Variants in CCDC3 observed in about 807,000 individuals in gnomAD.
CCDC3 encodes coiled-coil domain containing 3, also known as coiled-coil domain-containing protein 3.
In CCDC3, 24 loss-of-function variants were observed where a neutral mutation model predicts 21.4. The ratio of observed to expected loss-of-function variants is 1.12; its 90% CI spans 0.81 to 1.58. The LOEUF (loss-of-function observed/expected upper bound fraction) is 1.58, where lower values mean the gene tolerates loss of function less well. CCDC3 is among the 40% of genes most tolerant of loss of function. CCDC3 has a pLI of 0.00. For missense variants in CCDC3, 425 were observed against 360.9 expected (o/e 1.18, Z -1.44); for synonymous variants, 186 against 166.0 (o/e 1.12, Z -0.93).
upstream of CCDC3, among the ~76,000 whole-genome samples, chr10:13,005,310 G>A (rs2131290916): frequency 6.6e-6 from 1 of 152,306 alleles, no homozygotes; most frequent in African/African-American, 2.4e-5. Context: ...ATGAGTGGAA[G>A]AGGCAACGTA....
intron 5 of CCDC3, among the ~76,000 whole-genome samples, chr10:13,024,777 C>A (rs1322733520): frequency 6.6e-6 from 1 of 152,176 alleles, no homozygotes; most frequent in East Asian, 1.9e-4. Flanking sequence ...TTAGCCAGGT[C>A]CACAAGTTTA....
At chr10:13,036,548 G>A (rs1018921699) in intron 5 of CCDC3, among the ~76,000 whole-genome samples, 3 of 152,100 alleles carry the variant, frequency 2.0e-5, no homozygotes, top group Non-Finnish European at 4.4e-5. Flanking sequence ...GCAGTGGCAC[G>A]ATCTCCACTC....
chr10:12,999,951 TAATC>T (rs1835821157), intron 1 of CCDC3, among the ~76,000 whole-genome samples: 1 of 152,220 alleles, frequency 6.6e-6, no homozygotes, highest in African/African-American at 2.4e-5. Context: ...TATAAAAACT[TAATC>T]TAGCTGAACC....
intron 1 of CCDC3, among the ~76,000 whole-genome samples, chr10:12,998,828 GA>G (rs940700607): frequency 3.9e-4 from 59 of 152,084 alleles, no homozygotes; most frequent in Non-Finnish European, 7.8e-4. Flanking sequence ...ATTTCCTGGT[GA>G]AAAAAAGGCC....
chr10:13,029,794 AAG>A (rs1271842708), intron 5 of CCDC3, among the ~76,000 whole-genome samples: 1 of 152,218 alleles, frequency 6.6e-6, no homozygotes, highest in African/African-American at 2.4e-5. Context: ...TTAGAGAAAA[AAG>A]AGTAAAAAGA....
chr10:13,023,586 G>A (rs995676393), intron 5 of CCDC3, among the ~76,000 whole-genome samples: 5 of 152,150 alleles, frequency 3.3e-5, no homozygotes, highest in African/African-American at 9.7e-5. Flanking sequence ...AGCTAGTCAC[G>A]TGGCCAAGCT....
chr10:13,097,736 A>T (rs971459320), intron 3 of CCDC3, among the ~76,000 whole-genome samples: 1 of 152,180 alleles, frequency 6.6e-6, no homozygotes, highest in East Asian at 1.9e-4. Flanking sequence ...AAAATAAAAT[A>T]AAACCTTTGG....
chr10:13,079,659 C>G (rs1837009862), intron 3 of CCDC3, among the ~76,000 whole-genome samples: 2 of 152,146 alleles, frequency 1.3e-5, no homozygotes, highest in African/African-American at 4.8e-5. Context: ...GGTGAAAAAT[C>G]CCCATTAGGG....
At chr10:12,987,297 G>A (rs2131277052) in intron 2 of CCDC3, among the ~76,000 whole-genome samples, 1 of 152,266 alleles carries the variant, frequency 6.6e-6, no homozygotes, top group Middle Eastern at 3.4e-3. Context: ...CATAACCCAT[G>A]ACACAGTGCT....
At chr10:13,004,023 A>G (rs558692277), upstream of CCDC3, among the ~76,000 whole-genome samples, 6 of 152,270 alleles carry the variant, frequency 3.9e-5, no homozygotes, top group East Asian at 1.2e-3. Flanking sequence ...CTCTTTGGGG[A>G]CTAAGACTTC....
chr10:13,072,200 G>A (rs2131440462), intron 4 of CCDC3, among the ~76,000 whole-genome samples: 1 of 152,078 alleles, frequency 6.6e-6, no homozygotes, highest in Admixed American at 6.6e-5. Flanking sequence ...TCGCCTTCAG[G>A]CTATCAAACT....
Position 13,001,370 on chromosome 10 carries a change from G to A in CCDC3, c.201C>T (p.His67=). The change falls in exon 1 of 3, where the codon CAC becomes CAT. Residue 67 remains histidine, a synonymous_variant. Transcript: ENST00000378825. ...GLYNHLPWQY[H]AGQGGLFYSA... is the part of the protein sequence containing the mutation. ...AGTAGAAGAGGCCCCCCTGGCCGGC[G>A]TGGTACTGCCAGGGCAGGTGGTTGT... The A allele has an allele frequency of 1.3e-6, 2 of 1,593,642 alleles. No homozygotes were observed. Among genetic ancestry groups the A allele is most frequent in the Non-Finnish European group, 1.7e-6 (2 of 1,171,318 alleles).
intron 4 of CCDC3, among the ~76,000 whole-genome samples, chr10:13,054,673 C>G (rs1372756910): frequency 3.3e-4 from 50 of 151,976 alleles, no homozygotes; most frequent in Non-Finnish European, 7.4e-5. Context: ...CCTCTCTGCT[C>G]CTCTCTTTTT....
In CCDC3 at chr10:12,998,396, G is replaced by A. The variant is rs759482623; in HGVS notation, c.491C>T (p.Ser164Leu). The change falls in exon 2 of 3, where the codon TCG (serine) becomes TTG (leucine). Residue 164 changes from serine to leucine, a missense_variant. Coordinates refer to ENST00000378825, the MANE Select transcript of CCDC3 (RefSeq NM_031455.4). Reference sequence around the variant, plus strand: ...GAAAGTCGCCAGCTGCTGCCCTTGCGAACAGTTTGAAAACTGGAAAAGGCT... The same window carrying A: ...GAAAGTCGCCAGCTGCTGCCCTTGCAAACAGTTTGAAAACTGGAAAAGGCT... ...FSSLFQFSNC[S>L]QGQQLATFSS... 35 of 1,613,976 alleles carry A rather than the reference G, an allele frequency of 2.2e-5. No homozygotes were observed. Among genetic ancestry groups the A allele is most frequent in the African/African-American group, 4.0e-5 (3 of 74,890 alleles).
At chr10:13,006,183 G>C (rs889006416), upstream of CCDC3, among the ~76,000 whole-genome samples, 1 of 152,234 alleles carries the variant, frequency 6.6e-6, no homozygotes, top group Non-Finnish European at 1.5e-5. Context: ...ATGTGATAGA[G>C]AGCAGGAGAA....
intron 4 of CCDC3, among the ~76,000 whole-genome samples, chr10:13,071,293 G>A (rs1213881127): frequency 3.0e-5 from 4 of 132,820 alleles, no homozygotes; most frequent in East Asian, 2.0e-4. Context: ...AGGAGTCCAC[G>A]CAACCCCCCC....
intron 4 of CCDC3, among the ~76,000 whole-genome samples, chr10:13,064,182 C>T (rs1014516498): frequency 2.0e-5 from 3 of 152,092 alleles, no homozygotes; most frequent in Non-Finnish European, 2.9e-5. Flanking sequence ...CCTCAGCCTC[C>T]GAAAGTGCAG....
intron 2 of CCDC3, among the ~76,000 whole-genome samples, chr10:12,980,632 T>G (rs1354012075): frequency 6.6e-6 from 1 of 151,988 alleles, no homozygotes; most frequent in Non-Finnish European, 1.5e-5. Context: ...CCCGGAGAGC[T>G]CAGATAATAG....
Position 13,028,834 on chromosome 10 carries a change from T to C in CCDC3, c.-2+20840A>G, listed in dbSNP as rs543425665. Among the ~76,000 whole-genome samples the C allele has an allele frequency of 2.8e-4, 43 of 152,348 alleles. 2 individuals carry two copies. The South Asian group carries it at 8.7e-3, about 31-fold the overall frequency. On this transcript the variant is annotated intron_variant, in intron 5 of 6. Transcript: ENST00000378839. ...GTCAAATCCACCAAAACCAAGCTTC[T>C]GCCTCTTGAGAAGTAAGGAATTATT...
Sources: allele counts gnomAD v4.1 joint callset (sites outside exome capture counted in the v4.1 genomes callset), GRCh38; gene constraint gnomAD v4.1.1; transcripts MANE v1.5; gene names NCBI Gene and HGNC (gene_info 2026-07-23, HGNC 2026-07-21).